F13A1: variants seen among roughly 807,000 people sequenced by gnomAD.
F13A1 encodes the protein FSF, A subunit.
A neutral mutation model predicts 80.1 loss-of-function variants in F13A1; 47 were observed. The observed-to-expected ratio is 0.59, with a 90% CI of 0.46 to 0.75. The LOEUF (loss-of-function observed/expected upper bound fraction) is 0.75. F13A1 is among the 30% of genes least tolerant of loss of function. F13A1 has a pLI of 0.00. For synonymous variants in F13A1, 349 were observed against 344.9 expected, an observed-to-expected ratio of 1.01 and a Z score of -0.13; for missense variants, 817 against 930.4, an observed-to-expected ratio of 0.88 and a Z score of 1.59.
At chr6:6,208,354 C>G (rs939267665) in intron 8 of F13A1, among the ~76,000 whole-genome samples, 3 of 151,968 alleles carry the variant, frequency 2.0e-5, no homozygotes, top group Non-Finnish European at 2.9e-5. Flanking sequence ...ATAACAGAAG[C>G]AAAAAACTAA....
chr6:6,276,299 G>C (rs939693613), intron 3 of F13A1, among the ~76,000 whole-genome samples: 1 of 152,200 alleles, frequency 6.6e-6, no homozygotes, highest in African/African-American at 2.4e-5. Context: ...TCTCTGTCTT[G>C]AGGTGAGAGT....
intron 10 of F13A1, among the ~76,000 whole-genome samples, chr6:6,184,804 C>G (rs527253746): frequency 1.3e-5 from 2 of 152,288 alleles, no homozygotes; most frequent in East Asian, 3.9e-4. Context: ...GACAGACCAA[C>G]AGCACTGTCC....
At position 6,204,032 on chromosome 6, in the gene F13A1, T is replaced by C. The variant is rs548533334; in HGVS notation, c.1113-6706A>G. Among the ~76,000 whole-genome samples the C allele has an allele frequency of 9.8e-5, 15 of 152,322 alleles. No homozygotes were observed. In the East Asian group the frequency reaches 2.9e-3, roughly 29 times the overall value. ...TCTGTCTTGGTTCTGGCTAAGGTCA[T>C]ATCCAGAGGTATAGGAGCCTATGGG... On this transcript the variant is annotated intron_variant, in intron 8 of 14. Coordinates refer to ENST00000264870, the MANE Select transcript of F13A1 (RefSeq NM_000129.4).
intron 10 of F13A1, 127 bp from the exon 11 acceptor site, chr6:6,182,268 G>T (rs528225765): frequency 1.0e-5 from 10 of 991,590 alleles, no homozygotes; most frequent in Middle Eastern, 4.1e-4. Flanking sequence ...AACAACATTG[G>T]ATTCGTATCA....
At chr6:6,306,369 T>C (rs962044208) in intron 2 of F13A1, among the ~76,000 whole-genome samples, 2 of 152,244 alleles carry the variant, frequency 1.3e-5, no homozygotes, top group African/African-American at 4.8e-5. Context: ...CTTAAATTCA[T>C]TTCTTCATCA....
At chr6:6,158,005 A>T (rs748112338) in intron 13 of F13A1, among the ~76,000 whole-genome samples, 5 of 152,118 alleles carry the variant, frequency 3.3e-5, no homozygotes, top group Non-Finnish European at 7.4e-5. Flanking sequence ...ACGATCATCT[A>T]TCCTGGCTAA....
At chr6:6,314,669 T>C (rs998449172) in intron 2 of F13A1, among the ~76,000 whole-genome samples, 1 of 152,226 alleles carries the variant, frequency 6.6e-6, no homozygotes, top group African/African-American at 2.4e-5. Context: ...TTACACTGAA[T>C]TGCAATGATC....
chr6:6,294,136 T>C (rs2113162038), intron 3 of F13A1, among the ~76,000 whole-genome samples: 1 of 152,118 alleles, frequency 6.6e-6, no homozygotes, highest in Non-Finnish European at 1.5e-5. Flanking sequence ...ATATAGTGAG[T>C]GTGATGGTTA....
In F13A1 at chr6:6,302,555, G is replaced by A. The variant is rs140534092; in HGVS notation, c.319+2796C>T. Reference sequence around the variant, plus strand: ...AATACAATATAAAAAGTAAAAAATGGTACACCTGCATAGGACACTTACCAT... The same window carrying A: ...AATACAATATAAAAAGTAAAAAATGATACACCTGCATAGGACACTTACCAT... On this transcript the variant is annotated intron_variant, in intron 3 of 14. Coordinates refer to ENST00000264870, the MANE Select transcript of F13A1 (RefSeq NM_000129.4). 2.2e-3 allele frequency among the ~76,000 whole-genome samples: 342 copies of A among 152,176 alleles called. 1 individual carries two copies. The highest frequency in any genetic ancestry group is 3.9e-3 in the Non-Finnish European group (263 of 67,996).
intron 3 of F13A1, among the ~76,000 whole-genome samples, chr6:6,303,927 C>T (rs1238116689): frequency 6.6e-6 from 1 of 152,108 alleles, no homozygotes; most frequent in Non-Finnish European, 1.5e-5. Flanking sequence ...AGCCAACTTA[C>T]AAAGTTTTAT....
At chr6:6,300,735 G>A (rs1038115569) in intron 3 of F13A1, among the ~76,000 whole-genome samples, 1 of 151,796 alleles carries the variant, frequency 6.6e-6, no homozygotes, top group African/African-American at 2.4e-5. Context: ...GTAGACCTGA[G>A]CTGTTCCTAT....
At chr6:6,264,282 G>T (rs1757815193) in intron 4 of F13A1, among the ~76,000 whole-genome samples, 1 of 152,164 alleles carries the variant, frequency 6.6e-6, no homozygotes, top group Non-Finnish European at 1.5e-5. Context: ...ATCCAGAAAA[G>T]TTGCAAACAA....
At chr6:6,286,184 G>A (rs1396046083) in intron 3 of F13A1, among the ~76,000 whole-genome samples, 1 of 152,238 alleles carries the variant, frequency 6.6e-6, no homozygotes, top group Non-Finnish European at 1.5e-5. Flanking sequence ...TAAGGAGTTT[G>A]AGACCAGCCT....
intron 10 of F13A1, among the ~76,000 whole-genome samples, chr6:6,187,133 A>G (rs534943885): frequency 0.11 from 12,503 of 114,736 alleles, 867 homozygotes; most frequent in African/African-American, 0.17. Context: ...GGCTGAGACA[A>G]TGGGGTTTTC....
intron 8 of F13A1, among the ~76,000 whole-genome samples, chr6:6,197,668 C>T (rs1413665416): frequency 7.1e-6 from 1 of 140,118 alleles, no homozygotes; most frequent in Non-Finnish European, 1.5e-5. Context: ...CAGAGGGAGA[C>T]TCCATCTCAA....
At chr6:6,183,385 G>C (rs551828311) in intron 10 of F13A1, among the ~76,000 whole-genome samples, 124 of 152,214 alleles carry the variant, frequency 8.1e-4, no homozygotes, top group Non-Finnish European at 3.2e-4. Flanking sequence ...AGTATTGCCA[G>C]ATATTGTTTA....
chr6:6,186,014 T>C (rs1163773516), intron 10 of F13A1, among the ~76,000 whole-genome samples: 2 of 151,392 alleles, frequency 1.3e-5, no homozygotes, highest in African/African-American at 4.8e-5. Flanking sequence ...GCTGCATAAA[T>C]GTCTTCTTTT....
intron 13 of F13A1, among the ~76,000 whole-genome samples, chr6:6,166,226 T>C (rs536064816): frequency 3.3e-4 from 51 of 152,330 alleles, no homozygotes; most frequent in Non-Finnish European, 6.2e-4. Flanking sequence ...CTCTTTACCT[T>C]GTGGGGTTGT....
At chr6:6,188,138 C>T (rs376132362) in intron 10 of F13A1, among the ~76,000 whole-genome samples, 26 of 152,078 alleles carry the variant, frequency 1.7e-4, no homozygotes, top group Admixed American at 7.9e-4. Flanking sequence ...GTCTTGCTTG[C>T]GGTCTATCAG....
Sources: allele counts gnomAD v4.1 joint callset (sites outside exome capture counted in the v4.1 genomes callset), GRCh38; gene constraint gnomAD v4.1.1; transcripts MANE v1.5; gene names NCBI Gene and HGNC (gene_info 2026-07-23, HGNC 2026-07-21).